NUBPL: variants seen among roughly 807,000 people sequenced by gnomAD.
NUBPL encodes the protein iron-sulfur cluster transfer protein NUBPL.
A neutral mutation model predicts 45.7 loss-of-function variants in NUBPL; 31 were observed. The ratio of observed to expected loss-of-function variants is 0.68; its 90% CI spans 0.51 to 0.92. NUBPL has a LOEUF of 0.92. Ranked by LOEUF, NUBPL falls within the 40% of genes least tolerant of loss-of-function variation. The pLI, the probability that NUBPL is intolerant of heterozygous loss-of-function variation, is 0.00. For missense variants in NUBPL, 401 were observed against 398.7 expected, an observed-to-expected ratio of 1.01 and a Z score of -0.05; for synonymous variants, 144 against 140.9, an observed-to-expected ratio of 1.02 and a Z score of -0.15.
chr14:31,707,984 A>G (rs948752722), intron 6 of NUBPL, among the ~76,000 whole-genome samples: 2 of 152,206 alleles, frequency 1.3e-5, no homozygotes, highest in African/African-American at 4.8e-5. Flanking sequence ...CCTCAAAGGC[A>G]AAAAGAAACT....
At chr14:31,574,709 C>A (rs1018252036) in intron 3 of NUBPL, among the ~76,000 whole-genome samples, 1 of 150,502 alleles carries the variant, frequency 6.6e-6, no homozygotes, top group Non-Finnish European at 1.5e-5. Context: ...TCTGCCTCAG[C>A]CTTCCGAGTA....
intron 6 of NUBPL, among the ~76,000 whole-genome samples, chr14:31,678,991 G>A (rs1028136398): frequency 5.9e-5 from 9 of 152,178 alleles, no homozygotes; most frequent in Non-Finnish European, 7.3e-5. Context: ...ATTCCCCTCT[G>A]GTTAGGGCCA....
intron 4 of NUBPL, among the ~76,000 whole-genome samples, chr14:31,647,454 G>C (rs2035886582): frequency 6.6e-6 from 1 of 152,182 alleles, no homozygotes; most frequent in African/African-American, 2.4e-5. Flanking sequence ...CTGAGCTCTA[G>C]TATTCAGTAT....
chr14:31,689,512 T>A (rs895881944), intron 6 of NUBPL, among the ~76,000 whole-genome samples: 2 of 150,912 alleles, frequency 1.3e-5, no homozygotes, highest in Non-Finnish European at 2.9e-5. Flanking sequence ...TTTAATGGAG[T>A]TTTTTTTTCT....
intron 7 of NUBPL, among the ~76,000 whole-genome samples, chr14:31,825,295 C>A (rs1426250124): frequency 6.6e-6 from 1 of 152,156 alleles, no homozygotes; most frequent in East Asian, 1.9e-4. Flanking sequence ...ATCTGTCATA[C>A]TTCACCATTT....
At chr14:31,768,631 C>T (rs2038955390) in intron 6 of NUBPL, among the ~76,000 whole-genome samples, 1 of 152,190 alleles carries the variant, frequency 6.6e-6, no homozygotes, top group South Asian at 2.1e-4. Context: ...CTCTGCAGAG[C>T]TCTTTACCTG....
At chr14:31,561,601 G>T in intron 1 of NUBPL, 54 bp downstream of exon 1, 2 of 1,144,456 alleles carry the variant, frequency 1.7e-6, no homozygotes, top group Non-Finnish European at 2.3e-6. Context: ...TGGGCTGCAG[G>T]GCCGCAGATG....
intron 6 of NUBPL, among the ~76,000 whole-genome samples, chr14:31,733,931 T>G (rs1036938001): frequency 6.6e-6 from 1 of 152,200 alleles, no homozygotes; most frequent in Non-Finnish European, 1.5e-5. Context: ...TCCATCAGCT[T>G]CAGAGAGTTC....
chr14:31,731,838 G>A (rs1338813274), intron 6 of NUBPL, among the ~76,000 whole-genome samples: 1 of 152,082 alleles, frequency 6.6e-6, no homozygotes, highest in Non-Finnish European at 1.5e-5. Context: ...TTGGTCAAAT[G>A]TATAACATAA....
chr14:31,579,186 A>T (rs1397647847), intron 3 of NUBPL, among the ~76,000 whole-genome samples: 1 of 152,182 alleles, frequency 6.6e-6, no homozygotes, highest in African/African-American at 2.4e-5. Context: ...TTTGCCAGTC[A>T]CCATGGAAAC....
At chr14:31,746,343 A>G (rs1026847808) in intron 6 of NUBPL, among the ~76,000 whole-genome samples, 4 of 151,852 alleles carry the variant, frequency 2.6e-5, no homozygotes, top group Admixed American at 6.6e-5. Context: ...TATTGCCTTT[A>G]TCGTGTTTAG....
intron 6 of NUBPL, among the ~76,000 whole-genome samples, chr14:31,785,281 G>A (rs182530261): frequency 5.6e-4 from 86 of 152,260 alleles, no homozygotes; most frequent in African/African-American, 2.1e-3. Flanking sequence ...TGTATAGTAA[G>A]GCAGGGGTTC....
At chr14:31,831,000 C>G (rs540282925) in intron 8 of NUBPL, among the ~76,000 whole-genome samples, 9 of 152,172 alleles carry the variant, frequency 5.9e-5, no homozygotes, top group African/African-American at 1.7e-4. Context: ...TTAGATTAAA[C>G]AAAAAGCTTT....
chr14:31,759,770 G>A (rs2038757513), intron 6 of NUBPL, among the ~76,000 whole-genome samples: 1 of 150,008 alleles, frequency 6.7e-6, no homozygotes, highest in Non-Finnish European at 1.5e-5. Context: ...AGAGCAGCAA[G>A]CCATTCTGTT....
chr14:31,801,389 C>CA (rs887812687), intron 7 of NUBPL, among the ~76,000 whole-genome samples: 16 of 152,274 alleles, frequency 1.1e-4, no homozygotes, highest in African/African-American at 3.1e-4. Flanking sequence ...GAATAACTAA[C>CA]ACAACATTGC....
chr14:31,843,128 A>G (rs1364901265), intron 8 of NUBPL, among the ~76,000 whole-genome samples: 6 of 152,328 alleles, frequency 3.9e-5, no homozygotes, highest in African/African-American at 1.4e-4. Flanking sequence ...TGGCACCCAG[A>G]CTGATACAGC....
In NUBPL at chr14:31,860,783, C is replaced by T. The variant is rs757819314; in HGVS notation, c.*1603C>T. ...ATGATTAAACAAACCATAGTACATT[C>T]ATACCGTGAGTGCTACTCAGCAATA... On this transcript the variant is annotated 3_prime_UTR_variant, in exon 11 of 11. Coordinates refer to ENST00000281081, the MANE Select transcript of NUBPL (RefSeq NM_025152.3). The T allele has an allele frequency of 2.0e-5, 3 of 152,212 alleles. No individual in the cohort carries two copies. The highest frequency in any genetic ancestry group is 2.9e-5 in the Non-Finnish European group (2 of 68,040). 9.4% of individuals were successfully genotyped at this position (152,212 alleles called of 1,614,324 possible). A position where few individuals can be genotyped will look rare whatever the true frequency, so the allele number is the denominator to read the frequency against.
At position 31,561,483 on chromosome 14, in the gene NUBPL, TC is replaced by T; in HGVS notation, c.46del (p.Arg16GlyfsTer30). On this transcript the variant is annotated frameshift_variant, in exon 1 of 11. Coordinates refer to ENST00000281081, the MANE Select transcript of NUBPL (RefSeq NM_025152.3). LOFTEE classifies it high-confidence loss of function. Reference sequence around the variant, plus strand: ...CTGCTGCTTTTTGGTGGGGTGTCGCTCCGGGCTGGTGGCGGGGCCACTGCCC... The same window carrying T: ...CTGCTGCTTTTTGGTGGGGTGTCGCTCGGGCTGGTGGCGGGGCCACTGCCC... ...QRLLLFGGVS[L>X]RAGGGATAPL... The T allele has an allele frequency of 7.1e-7, 1 of 1,407,640 alleles. No individual in the cohort carries two copies. The highest frequency in any genetic ancestry group is 9.3e-7 in the Non-Finnish European group (1 of 1,072,108). 87.2% of individuals were successfully genotyped at this position (1,407,640 alleles called of 1,614,324 possible).
chr14:31,574,447 T>C (rs186884098), intron 3 of NUBPL, among the ~76,000 whole-genome samples: 4 of 152,082 alleles, frequency 2.6e-5, no homozygotes, highest in Admixed American at 6.5e-5. Context: ...TGTAGTTTTT[T>C]AGAGACAAGC....
Sources: allele counts gnomAD v4.1 joint callset (sites outside exome capture counted in the v4.1 genomes callset), GRCh38; gene constraint gnomAD v4.1.1; transcripts MANE v1.5; gene names NCBI Gene and HGNC (gene_info 2026-07-23, HGNC 2026-07-21).